CAMP: variants seen among roughly 807,000 people sequenced by gnomAD.
The protein encoded by CAMP is 18 kDa cationic antimicrobial protein.
In CAMP, 10 loss-of-function variants were observed where a neutral mutation model predicts 12.7. The ratio of observed to expected loss-of-function variants is 0.79; its 90% CI spans 0.49 to 1.34. The LOEUF is 1.34. Among genes scored for constraint, CAMP ranks in the 40% most tolerant of loss-of-function variants. The probability of loss-of-function intolerance (pLI) is 0.00; values close to 1 mark genes in which losing one functional copy is unlikely to be tolerated. For missense variants in CAMP, 205 were observed against 213.0 expected (o/e 0.96, Z 0.23); for synonymous variants, 87 against 85.2 (o/e 1.02, Z -0.12).
chr3:48,225,207 A>G, intron 3 of CAMP, 86 bp from the exon 4 acceptor site: 1 of 1,393,958 alleles, frequency 7.2e-7, no homozygotes, highest in Non-Finnish European at 1.0e-6. Flanking sequence ...GCCCACGAAG[A>G]GGGGCGTCTA....
Position 48,225,474 on chromosome 3 carries a change from G to A in CAMP, c.*50G>A, listed in dbSNP as rs2033497451. ...TTCTGGGCTCTGAGAAATAAACTATGAGAGCAATTTCCTCAGGCTTCAGTC... is the reference window on the plus strand; with the variant it reads ...TTCTGGGCTCTGAGAAATAAACTATAAGAGCAATTTCCTCAGGCTTCAGTC... On this transcript the variant is annotated 3_prime_UTR_variant, in exon 4 of 4. Coordinates refer to ENST00000652295, the MANE Select transcript of CAMP (RefSeq NM_004345.5). The A allele has an allele frequency of 1.5e-5, 24 of 1,558,150 alleles. No individual in the cohort carries two copies. The highest frequency in any genetic ancestry group is 1.7e-4 in the Middle Eastern group (1 of 5,866).
At chr3:48,224,504 A>T (rs1315143899) in intron 2 of CAMP, 43 bp downstream of exon 2, 2 of 1,542,420 alleles carry the variant, frequency 1.3e-6, no homozygotes, top group African/African-American at 1.4e-5. Flanking sequence ...CCTCCCAAGG[A>T]GCTGAACAGG....
At chr3:48,224,892 A>C (rs1303684290) in intron 3 of CAMP, among the ~76,000 whole-genome samples, 1 of 152,058 alleles carries the variant, frequency 6.6e-6, no homozygotes, top group Admixed American at 6.6e-5. Context: ...TAGATATGCA[A>C]ATTCTCAGGC....
At chr3:48,225,243 C>T (rs763334607) in intron 3 of CAMP, 50 bp from the exon 4 acceptor site, 77 of 1,603,146 alleles carry the variant, frequency 4.8e-5, no homozygotes, top group Non-Finnish European at 6.2e-5. Context: ...TGGATTGACC[C>T]TGGGTACATC....
intron 1 of CAMP, among the ~76,000 whole-genome samples, chr3:48,224,016 T>C (rs2033462826): frequency 6.6e-6 from 1 of 152,164 alleles, no homozygotes; most frequent in African/African-American, 2.4e-5. Flanking sequence ...AAGTCTCTTC[T>C]GTACCACGTT....
rs1406441369 is a variant in CAMP at position 48,224,584 on chromosome 3, T to C, written c.310-19T>C. ...ATGGCAAATGGTTTCAAGTTTGACC[T>C]TGAGCTTCTCCTTTCCAGCTGGTGA... is the stretch of plus-strand genomic sequence containing the variant. On this transcript the variant is annotated intron_variant, in intron 2 of 3. Transcript: ENST00000652295. The C allele has an allele frequency of 1.2e-6, 2 of 1,609,516 alleles. No individual in the cohort carries two copies. The highest frequency in any genetic ancestry group is 2.7e-5 in the African/African-American group (2 of 73,800).
intron 3 of CAMP, 123 bp downstream of exon 3, chr3:48,224,797 C>A: frequency 2.6e-6 from 2 of 769,400 alleles, no homozygotes; most frequent in South Asian, 1.6e-5. Context: ...GGGCTCTTCC[C>A]CAAACCTGAG....
chr3:48,224,632 C>G lies in CAMP; in HGVS notation c.339C>G (p.Thr113=). ...TGAAGCGGTGTATGGGGACAGTGAC[C>G]CTCAACCAGGCCAGGGGCTCCTTTG... ...GLVKRCMGTV[T]LNQARGSFDI... The change falls in exon 3 of 4, where the codon ACC becomes ACG. Residue 113 remains threonine (T), a synonymous_variant. Transcript: ENST00000652295. 6.2e-7 allele frequency: 1 copy of G among 1,613,880 alleles called. No individual in the cohort carries two copies. Among genetic ancestry groups the G allele is most frequent in the Non-Finnish European group, 8.5e-7 (1 of 1,179,874 alleles).
rs1473858026 is a variant in CAMP at position 48,224,664 on chromosome 3, G to A, written c.371G>A (p.Ser124Asn). The A allele has an allele frequency of 6.2e-7, 1 of 1,612,764 alleles. No individual in the cohort carries two copies. The highest frequency in any genetic ancestry group is 1.7e-5 in the Admixed American group (1 of 60,000). Reference sequence around the variant, plus strand: ...CAGGCCAGGGGCTCCTTTGACATCAGTTGTGATAAGGTGAGTGGGCTGTTC... The same window carrying A: ...CAGGCCAGGGGCTCCTTTGACATCAATTGTGATAAGGTGAGTGGGCTGTTC... Reference protein sequence around the residue: ...LNQARGSFDISCDKDNKRFAL... With the variant: ...LNQARGSFDINCDKDNKRFAL... The change falls in exon 3 of 4, where the codon AGT becomes AAT. Residue 124 changes from serine to asparagine, a missense_variant. Physicochemically the swap from Ser to Asn is conservative, Grantham distance 46. Transcript: ENST00000652295.
chr3:48,225,203 G>A (rs979106659), intron 3 of CAMP, 90 bp from the exon 4 acceptor site: 10 of 1,373,906 alleles, frequency 7.3e-6, no homozygotes, highest in South Asian at 2.4e-5. Flanking sequence ...GGGGGCCCAC[G>A]AAGAGGGGCG....
In CAMP at chr3:48,224,449, C is replaced by A; in HGVS notation, c.297C>A (p.Phe99Leu). 6.2e-7 allele frequency: 1 copy of A among 1,611,728 alleles called. No homozygotes were observed. Among genetic ancestry groups the A allele is most frequent in the South Asian group, 1.1e-5 (1 of 91,034 alleles). ...AGCAGTCACCAGAGGATTGTGACTT[C>A]AAGAAGGACGGGGTGAGGCTGGGGG... ...TTQQSPEDCDFKKDGLVKRCM... is the reference protein window; with the variant it reads ...TTQQSPEDCDLKKDGLVKRCM... The change falls in exon 2 of 4, where the codon TTC (phenylalanine) becomes TTA (leucine). Residue 99 changes from phenylalanine (F) to leucine (L), a missense_variant. Physicochemically the swap from Phe to Leu is conservative, Grantham distance 22 (BLOSUM62 0). Transcript: ENST00000652295.
At chr3:48,224,709 G>A (rs745311954) in intron 3 of CAMP, 35 bp downstream of exon 3, 2 of 1,481,750 alleles carry the variant, frequency 1.3e-6, no homozygotes, top group South Asian at 2.3e-5. Context: ...GGGGCTGATG[G>A]GGGCATAGAG....
chr3:48,223,572 G>A lies in CAMP; in HGVS notation c.61G>A (p.Gly21Ser), dbSNP rs1477682279. ...GRWSLVLLLLGLVMPLAIIAQ... is the reference protein window; with the variant it reads ...GRWSLVLLLLSLVMPLAIIAQ... ...GTGGTCACTGGTGCTCCTGCTGCTG[G>A]GCCTGGTGATGCCTCTGGCCATCAT... is the stretch of plus-strand genomic sequence containing the variant. The change falls in exon 1 of 4, where the codon GGC (glycine) becomes AGC (serine). Residue 21 changes from glycine (G) to serine (S), a missense_variant. Gly to Ser is a moderately conservative substitution (Grantham distance 56, BLOSUM62 0). Coordinates refer to ENST00000652295, the MANE Select transcript of CAMP (RefSeq NM_004345.5). The A allele has an allele frequency of 1.2e-6, 2 of 1,612,962 alleles. No individual in the cohort carries two copies. Among genetic ancestry groups the A allele is most frequent in the East Asian group, 2.2e-5 (1 of 44,834 alleles).
chr3:48,224,424 A>G lies in CAMP; in HGVS notation c.272A>G (p.Gln91Arg), dbSNP rs751184181. The change falls in exon 2 of 4, where the codon CAG (glutamine) becomes CGG (arginine). Residue 91 changes from glutamine to arginine, a missense_variant. Gln to Arg is a conservative substitution (Grantham distance 43, BLOSUM62 1). Coordinates refer to ENST00000652295, the MANE Select transcript of CAMP (RefSeq NM_004345.5). ...VKETVCPRTT[Q>R]QSPEDCDFKK... ...GAGACAGTGTGCCCCAGGACGACAC[A>G]GCAGTCACCAGAGGATTGTGACTTC... 1 of 1,613,802 alleles carries G rather than the reference A, an allele frequency of 6.2e-7. No individual in the cohort carries two copies. Among genetic ancestry groups the G allele is most frequent in the Non-Finnish European group, 8.5e-7 (1 of 1,179,694 alleles).
chr3:48,224,319 C>T (rs1395610600), intron 1 of CAMP, 35 bp from the exon 2 acceptor site: 8 of 1,424,008 alleles, frequency 5.6e-6, no homozygotes, highest in African/African-American at 1.4e-5. Flanking sequence ...TCAGAAAATA[C>T]AAGAATGGGC....
Position 48,224,131 on chromosome 3 carries a change from G to A in CAMP, c.202-223G>A, listed in dbSNP as rs970455931. On this transcript the variant is annotated intron_variant, in intron 1 of 3. Coordinates refer to ENST00000652295, the MANE Select transcript of CAMP (RefSeq NM_004345.5). ...CCTTGCCCCCACCCCAGAGTGGGAG[G>A]GGCTCCTTGTTAGAGCTCATCTGAG... Among the ~76,000 whole-genome samples the A allele has an allele frequency of 3.3e-5, 5 of 152,178 alleles. No homozygotes were observed. In the South Asian group the frequency reaches 1.0e-3, roughly 32 times the overall value.
In CAMP at chr3:48,224,451, A is replaced by G. The variant is rs779427510; in HGVS notation, c.299A>G (p.Lys100Arg). ...TQQSPEDCDF[K>R]KDGLVKRCMG... is the part of the protein sequence containing the mutation. ...CAGTCACCAGAGGATTGTGACTTCA[A>G]GAAGGACGGGGTGAGGCTGGGGGCT... is the stretch of plus-strand genomic sequence containing the variant. The change falls in exon 2 of 4, where the codon AAG becomes AGG. Residue 100 changes from lysine to arginine, a missense_variant. By Grantham distance (26) the Lys-to-Arg change is conservative. Coordinates refer to ENST00000652295, the MANE Select transcript of CAMP (RefSeq NM_004345.5). The G allele has an allele frequency of 6.2e-7, 1 of 1,611,394 alleles. No homozygotes were observed. The highest frequency in any genetic ancestry group is 1.1e-5 in the South Asian group (1 of 91,030).
Position 48,223,699 on chromosome 3 carries a change from C to T in CAMP, c.188C>T (p.Pro63Leu). 1.2e-6 allele frequency: 2 copies of T among 1,613,888 alleles called. No individual in the cohort carries two copies. Among genetic ancestry groups the T allele is most frequent in the South Asian group, 1.1e-5 (1 of 91,058 alleles). Reference protein sequence around the residue: ...ANLYRLLDLDPRPTMDGDPDT... With the variant: ...ANLYRLLDLDLRPTMDGDPDT... Reference sequence around the variant, plus strand: ...CTCTACCGCCTCCTGGACCTGGACCCCAGGCCCACGATGGTGAGCTTTGGG... The same window carrying T: ...CTCTACCGCCTCCTGGACCTGGACCTCAGGCCCACGATGGTGAGCTTTGGG... Residue 63 changes from proline (P) to leucine (L), a missense_variant, in exon 1 of 4, where the codon CCC (proline) becomes CTC (leucine). Pro to Leu is a moderately conservative substitution (Grantham distance 98). Transcript: ENST00000652295.
At position 48,225,356 on chromosome 3, in the gene CAMP, G is replaced by A; in HGVS notation, c.445G>A (p.Glu149Lys). Reference sequence around the variant, plus strand: ...GAAATCTAAAGAGAAGATTGGCAAAGAGTTTAAAAGAATTGTCCAGAGAAT... The same window carrying A: ...GAAATCTAAAGAGAAGATTGGCAAAAAGTTTAAAAGAATTGTCCAGAGAAT... ...FRKSKEKIGK[E>K]FKRIVQRIKD... The change falls in exon 4 of 4, where the codon GAG (glutamate) becomes AAG (lysine). Residue 149 changes from glutamate (E) to lysine (K), a missense_variant. Glu to Lys is a moderately conservative substitution (Grantham distance 56). Coordinates refer to ENST00000652295, the MANE Select transcript of CAMP (RefSeq NM_004345.5). 1.2e-6 allele frequency: 2 copies of A among 1,613,694 alleles called. No individual in the cohort carries two copies. The highest frequency in any genetic ancestry group is 1.7e-6 in the Non-Finnish European group (2 of 1,179,624).
Sources: gnomAD v4.1 joint callset for allele counts (sites outside exome capture counted in the v4.1 genomes callset) on GRCh38, gnomAD v4.1.1 for gene constraint, MANE v1.5 for transcripts, NCBI Gene and HGNC (gene_info 2026-07-23, HGNC 2026-07-21) for gene names.